The following ANXA2 variants were observed in gnomAD, a reference collection of about 807,000 sequenced individuals.
The protein encoded by ANXA2 is annexin A2.
ANXA2 carries 28 observed loss-of-function variants against 47.3 expected under a neutral mutation model. That is an observed-to-expected ratio of 0.59 (90% CI 0.44 to 0.81). ANXA2 has a LOEUF of 0.81. ANXA2 is among the 40% of genes least tolerant of loss of function. The pLI is 0.00. For synonymous variants in ANXA2, 172 were observed against 155.5 expected (o/e 1.11, Z -0.79); for missense variants, 384 against 414.3 (o/e 0.93, Z 0.64).
intron 4 of ANXA2, chr15:60,362,667 G>C (rs746860047): frequency 3.3e-5 from 5 of 152,082 alleles, no homozygotes; most frequent in Non-Finnish European, 5.9e-5. Flanking sequence ...TGTTTCACTT[G>C]AAACTATCTC....
chr15:60,370,451 C>G (rs2062696162), intron 3 of ANXA2, among the ~76,000 whole-genome samples: 1 of 152,244 alleles, frequency 6.6e-6, no homozygotes, highest in African/African-American at 2.4e-5. Flanking sequence ...ATACATGCAT[C>G]TGCAAATGGG....
At chr15:60,394,589 C>G (rs1343250812) in intron 1 of ANXA2, 7 of 152,214 alleles carry the variant, frequency 4.6e-5, no homozygotes, top group Non-Finnish European at 1.0e-4. Context: ...ATCCCAGCTA[C>G]TCGGGAGGGT....
In ANXA2 at chr15:60,352,278, G is replaced by A. The variant is rs1404361734; in HGVS notation, c.682+105C>T. The A allele has an allele frequency of 2.5e-5, 18 of 707,068 alleles. No homozygotes were observed. The highest frequency in any genetic ancestry group is 1.6e-4 in the East Asian group (6 of 37,016). 43.8% of individuals were successfully genotyped at this position (707,068 alleles called of 1,614,324 possible). On this transcript the variant is annotated intron_variant, in intron 9 of 12. Coordinates refer to ENST00000451270, the MANE Select transcript of ANXA2 (RefSeq NM_004039.3). This position sits in a 1 kb window ranked among gnomAD's most constrained non-coding sequence, Gnocchi z 4.2. The stretch of plus-strand genomic sequence containing the variant: ...GGGTGAGCCTATGAGAGTGCCAAGC[G>A]GAGACAGAACCTCATTCTGGCAGAC...
chr15:60,368,636 TAAGAA>T (rs1471880263), intron 3 of ANXA2, among the ~76,000 whole-genome samples: 1 of 152,160 alleles, frequency 6.6e-6, no homozygotes, highest in Non-Finnish European at 1.5e-5. Context: ...TATGCACGTA[TAAGAA>T]AATACCTAGA....
In ANXA2 at chr15:60,349,064, C is replaced by T. The variant is rs376190556; in HGVS notation, c.960+11G>A. 38 of 1,613,740 alleles carry T rather than the reference C, an allele frequency of 2.4e-5. No homozygotes were observed. The highest frequency in any genetic ancestry group is 3.1e-5 in the Non-Finnish European group (37 of 1,179,940). On this transcript the variant is annotated intron_variant, in intron 12 of 12. Transcript: ENST00000451270. Reference sequence around the variant, plus strand: ...ACGGCAGGGCAGGCTGACACTGCACCTCGGGCTTACCTGGATATAATAGTA... The same window carrying T: ...ACGGCAGGGCAGGCTGACACTGCACTTCGGGCTTACCTGGATATAATAGTA...
intron 11 of ANXA2, among the ~76,000 whole-genome samples, chr15:60,349,435 G>A (rs913446518): frequency 4.6e-5 from 7 of 152,284 alleles, no homozygotes; most frequent in African/African-American, 1.7e-4. Flanking sequence ...GGCTATGTGT[G>A]TAAGGTCTAT....
chr15:60,374,822 C>T (rs569254719), intron 3 of ANXA2: 1 of 402,674 alleles, frequency 2.5e-6, no homozygotes, highest in African/African-American at 2.1e-5. Flanking sequence ...AACTTGAACA[C>T]AGAGAGAAAG....
intron 3 of ANXA2, among the ~76,000 whole-genome samples, chr15:60,381,310 T>C (rs772181184): frequency 2.0e-5 from 3 of 152,172 alleles, no homozygotes; most frequent in East Asian, 1.9e-4. Flanking sequence ...GCAGCTCTAA[T>C]TGTGCTGGGT....
chr15:60,390,843 A>G (rs2062999665), intron 1 of ANXA2, among the ~76,000 whole-genome samples: 1 of 152,246 alleles, frequency 6.6e-6, no homozygotes, highest in South Asian at 2.1e-4. Flanking sequence ...ATTCGCTGGA[A>G]GGAACAGTTG....
In ANXA2 at chr15:60,349,068, G is replaced by A; in HGVS notation, c.960+7C>T. ...CAGGGCAGGCTGACACTGCACCTCG[G>A]GCTTACCTGGATATAATAGTACAGG... On this transcript the variant is annotated splice_region_variant and intron_variant, in intron 12 of 12. Coordinates refer to ENST00000451270, the MANE Select transcript of ANXA2 (RefSeq NM_004039.3). 1.2e-6 allele frequency: 2 copies of A among 1,613,878 alleles called. No homozygotes were observed. Among genetic ancestry groups the A allele is most frequent in the Non-Finnish European group, 1.7e-6 (2 of 1,179,978 alleles).
At chr15:60,351,089 T>G (rs1895987183) in intron 11 of ANXA2, 104 bp downstream of exon 11, 1 of 1,174,362 alleles carries the variant, frequency 8.5e-7, no homozygotes, top group Non-Finnish European at 1.3e-6. Context: ...ATCCACACAG[T>G]GGGGTCCCCT....
At chr15:60,393,581 C>G (rs940983053) in intron 1 of ANXA2, 5 of 985,366 alleles carry the variant, frequency 5.1e-6, no homozygotes, top group Non-Finnish European at 6.0e-6. Context: ...TAACTCTTCT[C>G]CAAACACGCT....
intron 1 of ANXA2, chr15:60,391,298 C>G (rs367633722): frequency 6.6e-6 from 1 of 152,252 alleles, no homozygotes; most frequent in Admixed American, 6.5e-5. Context: ...TCACAGCCAT[C>G]AGAGCGGGAT....
intron 6 of ANXA2, 61 bp from the exon 7 acceptor site, chr15:60,356,059 A>C: frequency 7.8e-7 from 1 of 1,281,004 alleles, no homozygotes; most frequent in Non-Finnish European, 1.1e-6. Context: ...ATCCACCCCA[A>C]TCTCCCCATT....
chr15:60,376,685 A>G (rs2062784134), intron 3 of ANXA2, among the ~76,000 whole-genome samples: 1 of 152,138 alleles, frequency 6.6e-6, no homozygotes, highest in Non-Finnish European at 1.5e-5. Context: ...GGTGTGACTG[A>G]CAGTTCGTCT....
chr15:60,348,930 T>A, intron 12 of ANXA2, 145 bp downstream of exon 12: 1 of 863,162 alleles, frequency 1.2e-6, no homozygotes, highest in South Asian at 1.7e-5. Context: ...TCAAAATAAA[T>A]CCCTGATAGT....
At chr15:60,395,210 C>T (rs1404246693) in intron 1 of ANXA2, among the ~76,000 whole-genome samples, 1 of 152,158 alleles carries the variant, frequency 6.6e-6, no homozygotes, top group East Asian at 1.9e-4. Flanking sequence ...CAACAATTCA[C>T]TTATTTTGTC....
chr15:60,358,067 A>C (rs1339393995), intron 5 of ANXA2, among the ~76,000 whole-genome samples: 1 of 152,240 alleles, frequency 6.6e-6, no homozygotes, highest in Admixed American at 6.5e-5. Flanking sequence ...ATAGTTAAGA[A>C]AAAATTTTTA....
chr15:60,359,056 C>T lies in ANXA2; in HGVS notation c.358-1820G>A, dbSNP rs139616976. Among the ~76,000 whole-genome samples, 62 of 152,316 alleles carry T rather than the reference C, an allele frequency of 4.1e-4. No homozygotes were observed. In the East Asian group the frequency reaches 9.8e-3, roughly 24 times the overall value. On this transcript the variant is annotated intron_variant, in intron 5 of 12. Transcript: ENST00000451270. ...TGTAACATATGGCAGATACTGCCAC[C>T]GGTACTGCCAGAAGTCAAAACAGAT...
Sources: allele counts gnomAD v4.1 joint callset (sites outside exome capture counted in the v4.1 genomes callset), GRCh38; gene constraint gnomAD v4.1.1; non-coding constraint Gnocchi (gnomAD v3.1); transcripts MANE v1.5; gene names NCBI Gene and HGNC (gene_info 2026-07-23, HGNC 2026-07-21).